The following ATR variants were observed in gnomAD, a reference collection of about 807,000 sequenced individuals.
The protein encoded by ATR is ATR checkpoint kinase.
A neutral mutation model predicts 305.3 loss-of-function variants in ATR; 142 were observed. The observed-to-expected ratio is 0.47, with a 90% confidence interval of 0.41 to 0.53. ATR has a LOEUF of 0.53. Ranked by LOEUF, ATR falls within the 20% of genes least tolerant of loss-of-function variation. The pLI, the probability that ATR is intolerant of heterozygous loss-of-function variation, is 0.00. For missense variants in ATR, 2,135 were observed against 3,133.1 expected, an observed-to-expected ratio of 0.68 and a Z score of 7.60; for synonymous variants, 1,050 against 1,068.1, an observed-to-expected ratio of 0.98 and a Z score of 0.33.
intron 36 of ATR, among the ~76,000 whole-genome samples, chr3:142,484,139 C>T (rs1007104833): frequency 6.6e-6 from 1 of 152,176 alleles, no homozygotes; most frequent in Non-Finnish European, 1.5e-5. Context: ...GTCCTTCACT[C>T]ATCTGCCTAA....
intron 7 of ATR, 53 bp downstream of exon 7, chr3:142,559,198 C>G (rs2108478965): frequency 6.4e-7 from 1 of 1,571,062 alleles, no homozygotes; most frequent in South Asian, 1.1e-5. Flanking sequence ...AAGCATATTT[C>G]TATACTGATT....
In ATR at chr3:142,561,447, G is replaced by T. The variant is rs766651802; in HGVS notation, c.1171-26C>A. 3 of 1,581,114 alleles carry T rather than the reference G, an allele frequency of 1.9e-6. No individual in the cohort carries two copies. In the South Asian group the frequency reaches 3.4e-5, roughly 18 times the overall value. ...CTGAGAAAATAAAAAATAATTTCCA[G>T]AAATATTCCTTAGAAAATATATTTA... is the stretch of plus-strand genomic sequence containing the variant. On this transcript the variant is annotated intron_variant, in intron 4 of 46. Transcript: ENST00000350721.
chr3:142,515,312 TTG>T, intron 25 of ATR, 81 bp downstream of exon 25: 1 of 1,527,838 alleles, frequency 6.5e-7, no homozygotes, highest in South Asian at 1.2e-5. Context: ...TCAATGATTA[TTG>T]TGTGTGCTAG....
chr3:142,562,629 A>C lies in ATR; in HGVS notation c.773T>G (p.Leu258Arg). Residue 258 changes from leucine to arginine, a missense_variant, in exon 4 of 47, where the codon CTT becomes CGT. By Grantham distance (102) the Leu-to-Arg change is moderately radical. Around this residue, in one of 9 missense-constraint regions of ATR, gnomAD observed 744 missense variants for 873.2 expected, o/e 0.85. Coordinates refer to ENST00000350721, the MANE Select transcript of ATR (RefSeq NM_001184.4). The part of the protein sequence containing the change: ...AISFLTELFQ[L>R]GGLPAQPAST... The stretch of plus-strand genomic sequence containing the variant: ...AGCTGGTTGTGCTGGTAGTCCTCCA[A>C]GCTGAAAAAGTTCTGTTAAAAAGCT... 6.2e-7 allele frequency: 1 copy of C among 1,614,106 alleles called. No homozygotes were observed. The highest frequency in any genetic ancestry group is 1.3e-5 in the African/African-American group (1 of 75,040).
chr3:142,474,884 A>C (rs372966462), intron 36 of ATR, among the ~76,000 whole-genome samples: 25 of 152,042 alleles, frequency 1.6e-4, no homozygotes, highest in African/African-American at 5.6e-4. Flanking sequence ...TACTGTGTTG[A>C]GGTACATTCC....
chr3:142,536,634 G>A (rs368219512), intron 19 of ATR, among the ~76,000 whole-genome samples: 7 of 152,094 alleles, frequency 4.6e-5, no homozygotes, highest in East Asian at 1.9e-4. Context: ...TGGACAGACC[G>A]TGGTACAGAG....
rs541296140 is a variant in ATR, at chr3:142,498,712, C to T, written c.5443G>A (p.Asp1815Asn). ...GQLLLSAKKR[D>N]ITAFYDSLKL... ...AGTGAGTCATAAAAAGCTGTGATATCTCTTTTTTTGGCTGATAATAATAGC... is the reference window on the plus strand; with the variant it reads ...AGTGAGTCATAAAAAGCTGTGATATTTCTTTTTTTGGCTGATAATAATAGC... The change falls in exon 32 of 47, where the codon GAT becomes AAT. Residue 1815 changes from aspartate to asparagine, a missense_variant. Transcript: ENST00000350721. The T allele has an allele frequency of 1.9e-6, 3 of 1,614,006 alleles. No homozygotes were observed. The highest frequency in any genetic ancestry group is 2.7e-5 in the African/African-American group (2 of 75,046).
At chr3:142,466,216 C>T (rs1390161819) in intron 40 of ATR, 108 bp downstream of exon 40, 2 of 1,250,470 alleles carry the variant, frequency 1.6e-6, no homozygotes, top group African/African-American at 3.0e-5. Context: ...AATTATTTTT[C>T]TTCACAAATA....
chr3:142,538,561 T>C lies in ATR; in HGVS notation c.3646A>G (p.Ile1216Val), dbSNP rs1300617940. ...ACLGSLLSHV[I>V]VALLPLIHIQ... is the part of the protein sequence containing the mutation. ...TGTATAAGAGGTAACAAAGCTACTA[T>C]TACATGACTGAGAAGGGAGCCCAGA... The change falls in exon 19 of 47, where the codon ATA (isoleucine) becomes GTA (valine). Residue 1216 changes from isoleucine to valine, a missense_variant. Coordinates refer to ENST00000350721, the MANE Select transcript of ATR (RefSeq NM_001184.4). The C allele has an allele frequency of 9.3e-6, 15 of 1,613,548 alleles. No individual in the cohort carries two copies. Among genetic ancestry groups the C allele is most frequent in the Non-Finnish European group, 1.3e-5 (15 of 1,179,630 alleles).
intron 21 of ATR, among the ~76,000 whole-genome samples, chr3:142,529,008 T>C (rs1237622244): frequency 6.7e-6 from 1 of 148,702 alleles, no homozygotes; most frequent in Non-Finnish European, 1.5e-5. Context: ...TTCAGCCTCC[T>C]GAGCAGCTGG....
Position 142,496,351 on chromosome 3 carries a change from T to G in ATR, c.5898+10A>C. On this transcript the variant is annotated intron_variant, in intron 34 of 46. Coordinates refer to ENST00000350721, the MANE Select transcript of ATR (RefSeq NM_001184.4). ...ATATATATATATGATGACATTTCCCTGGCCATTACCTTGGACCAGAGCCAC... is the reference window on the plus strand; with the variant it reads ...ATATATATATATGATGACATTTCCCGGGCCATTACCTTGGACCAGAGCCAC... 6.9e-7 allele frequency: 1 copy of G among 1,445,858 alleles called. No homozygotes were observed. The highest frequency in any genetic ancestry group is 1.1e-5 in the South Asian group (1 of 86,984). 89.6% of individuals were successfully genotyped at this position (1,445,858 alleles called of 1,614,324 possible). A position where few individuals can be genotyped will look rare whatever the true frequency, so the allele number is the denominator to read the frequency against.
chr3:142,485,070 T>G lies in ATR; in HGVS notation c.6221+70A>C, dbSNP rs1223183347. The G allele has an allele frequency of 2.5e-6, 4 of 1,583,050 alleles. No individual in the cohort carries two copies. In the South Asian group the frequency reaches 3.3e-5, roughly 13 times the overall value. ...AATACCTAGAATATGCTAAGACATG[T>G]GATAACAGTTTCAATATTAATAGTC... On this transcript the variant is annotated intron_variant, in intron 36 of 46. Transcript: ENST00000350721.
chr3:142,489,184 A>G (rs2031132562), intron 35 of ATR, among the ~76,000 whole-genome samples: 1 of 152,116 alleles, frequency 6.6e-6, no homozygotes, highest in Non-Finnish European at 1.5e-5. Context: ...AAAATAAAAA[A>G]TTAGCTGGGT....
At chr3:142,491,650 T>G (rs1388406667) in intron 35 of ATR, among the ~76,000 whole-genome samples, 1 of 152,218 alleles carries the variant, frequency 6.6e-6, no homozygotes, top group Non-Finnish European at 1.5e-5. Context: ...AATATAGTTT[T>G]TAATGCAAAT....
intron 24 of ATR, among the ~76,000 whole-genome samples, 174 bp from the exon 25 acceptor site, chr3:142,515,689 A>G (rs193275875): frequency 2.4e-4 from 36 of 152,250 alleles, no homozygotes; most frequent in African/African-American, 8.4e-4. Flanking sequence ...TTGGACACCT[A>G]AAGTACTTCT....
At chr3:142,457,147 A>C (rs1433551025) in intron 45 of ATR, among the ~76,000 whole-genome samples, 1 of 152,250 alleles carries the variant, frequency 6.6e-6, no homozygotes, top group East Asian at 1.9e-4. Context: ...CTGATACATG[A>C]TGAACACTGA....
At chr3:142,550,054 T>C (rs2034417509) in intron 14 of ATR, 78 bp downstream of exon 14, 2 of 1,551,520 alleles carry the variant, frequency 1.3e-6, no homozygotes, top group Admixed American at 1.7e-5. Context: ...AATAATCTCA[T>C]ATCAAAGTCA....
rs184316658 is a variant in ATR at position 142,516,452 on chromosome 3, G to A, written c.4383-937C>T. ...TCTTAGTCTTCAAAGTCAGTGGGCC[G>A]CTAAAGTTACAGAATTCCTTCTACG... On this transcript the variant is annotated intron_variant, in intron 24 of 46. Transcript: ENST00000350721. Among the ~76,000 whole-genome samples the A allele has an allele frequency of 2.8e-3, 423 of 152,198 alleles. 7 individuals carry two copies. The highest frequency in any genetic ancestry group is 1.0e-3 in the Non-Finnish European group (68 of 67,990).
In ATR at chr3:142,449,729, A is replaced by G; in HGVS notation, c.7762-127T>C. The G allele has an allele frequency of 4.1e-6, 4 of 985,598 alleles. No individual in the cohort carries two copies. The South Asian group carries it at 5.8e-5, about 14-fold the overall frequency. 61.1% of individuals were successfully genotyped at this position (985,598 alleles called of 1,614,324 possible). Reference sequence around the variant, plus strand: ...GACCAATACCCCTTTTGTAAGAGCAAATACAGGAAAAGAAGAAATTAAACA... The same window carrying G: ...GACCAATACCCCTTTTGTAAGAGCAGATACAGGAAAAGAAGAAATTAAACA... On this transcript the variant is annotated intron_variant, in intron 46 of 46. Transcript: ENST00000350721.
Sources: allele counts gnomAD v4.1 joint callset (sites outside exome capture counted in the v4.1 genomes callset), GRCh38; gene constraint gnomAD v4.1.1; regional missense constraint gnomAD v4.1.1; transcripts MANE v1.5; gene names NCBI Gene and HGNC (gene_info 2026-07-23, HGNC 2026-07-21).